PLA2G5: variants seen among roughly 807,000 people sequenced by gnomAD.
PLA2G5 encodes Ca2+-dependent phospholipase A2.
Under a neutral mutation model 15.9 loss-of-function variants are expected in PLA2G5, and 12 were observed. That is an observed-to-expected ratio of 0.76 (90% CI 0.48 to 1.23). The LOEUF (loss-of-function observed/expected upper bound fraction) is 1.23, where lower values mean the gene tolerates loss of function less well. Ranked by LOEUF, PLA2G5 falls within the 50% of genes most tolerant of loss-of-function variation. PLA2G5 has a pLI of 0.00. For missense variants in PLA2G5, 169 were observed against 177.1 expected, an observed-to-expected ratio of 0.95 and a Z score of 0.26; for synonymous variants, 71 against 71.4, an observed-to-expected ratio of 0.99 and a Z score of 0.03.
rs561474982 is a variant in PLA2G5 at position 20,060,984 on chromosome 1, C to T, written n.337+1292C>T. On this transcript the variant is annotated intron_variant and non_coding_transcript_variant, in intron 2 of 6. Transcript: ENST00000460175. ...CACCTGCCTTGGCCTCCCAAAGTGC[C>T]GGGATTACAGGCATGAGCCATCGCA... 1.1e-4 allele frequency among the ~76,000 whole-genome samples: 16 copies of T among 152,118 alleles called. No individual in the cohort carries two copies. In the East Asian group the frequency reaches 1.9e-3, roughly 18 times the overall value.
At chr1:20,066,847 GA>G (rs957763845), upstream of PLA2G5, among the ~76,000 whole-genome samples, 40 of 151,240 alleles carry the variant, frequency 2.6e-4, no homozygotes, top group Admixed American at 2.2e-3. Flanking sequence ...TCTCTAAAAA[GA>G]AAAAAAAATT....
At chr1:20,081,246 G>A (rs1348545740) in intron 1 of PLA2G5, among the ~76,000 whole-genome samples, 1 of 151,694 alleles carries the variant, frequency 6.6e-6, no homozygotes, top group Admixed American at 6.6e-5. Context: ...TCCTCCTGGC[G>A]CCCGCTTTGG....
At chr1:20,033,066 T>A (rs1261247078) in intron 1 of PLA2G5, among the ~76,000 whole-genome samples, 2 of 152,216 alleles carry the variant, frequency 1.3e-5, no homozygotes, top group Admixed American at 1.3e-4. Context: ...ATATTTGGAA[T>A]TGGTGTAAAT....
intron 1 of PLA2G5, among the ~76,000 whole-genome samples, chr1:20,044,208 A>C (rs1037227393): frequency 4.6e-5 from 7 of 152,146 alleles, no homozygotes; most frequent in African/African-American, 1.7e-4. Flanking sequence ...CAGCTTAGGC[A>C]TGTGTGGCTT....
intron 1 of PLA2G5, among the ~76,000 whole-genome samples, chr1:20,054,576 A>C (rs770890233): frequency 6.6e-6 from 1 of 151,382 alleles, no homozygotes; most frequent in Non-Finnish European, 1.5e-5. Context: ...AAATATGTTT[A>C]ATGTTTTCCT....
intron 1 of PLA2G5, among the ~76,000 whole-genome samples, chr1:20,078,725 C>T (rs983044359): frequency 6.6e-6 from 1 of 151,990 alleles, no homozygotes; most frequent in Non-Finnish European, 1.5e-5. Flanking sequence ...TTCATGGGGG[C>T]CTTAAGGAGG....
At chr1:20,033,385 A>G (rs1280251782) in intron 1 of PLA2G5, among the ~76,000 whole-genome samples, 1 of 152,182 alleles carries the variant, frequency 6.6e-6, no homozygotes, top group East Asian at 1.9e-4. Context: ...TGGCCAGGTT[A>G]AGAGCTTTAA....
intron 2 of PLA2G5, among the ~76,000 whole-genome samples, chr1:20,061,436 A>G (rs1557736531): frequency 1.3e-5 from 2 of 151,982 alleles, no homozygotes; most frequent in Non-Finnish European, 2.9e-5. Context: ...AAAATTAAAA[A>G]TAAGCTGGAT....
rs2016539174 is a variant in PLA2G5 at position 20,090,948 on chromosome 1, C to G, written c.*256C>G. On this transcript the variant is annotated 3_prime_UTR_variant, in exon 5 of 5. Transcript: ENST00000375108. ...GGCAGCCCCTCTGGTGCCAAGAGCT[C>G]TCCTCCAACTCAGGGTTGGCTGTGT... is the stretch of plus-strand genomic sequence containing the variant. 1 of 398,374 alleles carries G rather than the reference C, an allele frequency of 2.5e-6. No individual in the cohort carries two copies. The highest frequency in any genetic ancestry group is 5.0e-5 in the South Asian group (1 of 19,948). The allele number at this position is 398,374 out of a possible 1,614,324, so 24.7% of individuals were successfully genotyped here.
At chr1:20,086,297 A>G in intron 3 of PLA2G5, 70 bp downstream of exon 3, 6 of 1,505,584 alleles carry the variant, frequency 4.0e-6, no homozygotes, top group South Asian at 3.5e-5. Flanking sequence ...TCAATTCCAT[A>G]TCAGTTCTGG....
chr1:20,086,132 G>A lies in PLA2G5; in HGVS notation c.90G>A (p.Glu30=). ...TGCTGGACCTAAAATCAATGATCGA[G>A]AAGGTGACAGGGAAGAACGCCCTGA... ...GGLLDLKSMI[E]KVTGKNALTN... The change falls in exon 3 of 5, where the codon GAG becomes GAA. Residue 30 remains glutamate (E), a synonymous_variant. Transcript: ENST00000375108. The A allele has an allele frequency of 6.2e-7, 1 of 1,614,150 alleles. No individual in the cohort carries two copies. Among genetic ancestry groups the A allele is most frequent in the Non-Finnish European group, 8.5e-7 (1 of 1,180,020 alleles).
intron 1 of PLA2G5, among the ~76,000 whole-genome samples, chr1:20,032,794 G>A (rs575966132): frequency 9.7e-4 from 147 of 152,326 alleles, no homozygotes; most frequent in Non-Finnish European, 1.7e-3. Context: ...TATACAGGAT[G>A]TATGTTGGGA....
intron 3 of PLA2G5, 119 bp downstream of exon 3, chr1:20,086,346 C>A: frequency 8.5e-7 from 1 of 1,176,596 alleles, no homozygotes; most frequent in African/African-American, 1.5e-5. Flanking sequence ...AATAAGAAAA[C>A]TAAGCCTCAA....
At chr1:20,073,849 G>A (rs529970072) in intron 1 of PLA2G5, among the ~76,000 whole-genome samples, 3 of 151,902 alleles carry the variant, frequency 2.0e-5, no homozygotes, top group African/African-American at 4.8e-5. Flanking sequence ...CAGCCTGGGC[G>A]ACAGAGGGAG....
intron 1 of PLA2G5, among the ~76,000 whole-genome samples, chr1:20,031,909 T>A (rs1162237269): frequency 2.0e-5 from 3 of 151,988 alleles, no homozygotes; most frequent in Admixed American, 6.6e-5. Flanking sequence ...GGCAAGTAAG[T>A]GTTTGTGTAC....
intron 3 of PLA2G5, among the ~76,000 whole-genome samples, chr1:20,088,273 C>T (rs1362235810): frequency 6.6e-6 from 1 of 151,012 alleles, no homozygotes; most frequent in Admixed American, 6.6e-5. Flanking sequence ...AGGAGAATCA[C>T]TTGAACCTGG....
intron 2 of PLA2G5, among the ~76,000 whole-genome samples, chr1:20,065,088 T>C (rs1032981952): frequency 1.3e-5 from 2 of 152,232 alleles, no homozygotes; most frequent in Non-Finnish European, 2.9e-5. Context: ...TCAGGACATT[T>C]ATGACAATAG....
At chr1:20,069,972 G>C (rs1251813036), upstream of PLA2G5, among the ~76,000 whole-genome samples, 1 of 152,074 alleles carries the variant, frequency 6.6e-6, no homozygotes, top group Admixed American at 6.6e-5. Flanking sequence ...TTCTAAGCAG[G>C]CTGTCAGAGC....
chr1:20,032,983 T>C (rs1174714469), intron 1 of PLA2G5, among the ~76,000 whole-genome samples: 1 of 152,244 alleles, frequency 6.6e-6, no homozygotes, highest in Non-Finnish European at 1.5e-5. Flanking sequence ...CCATTTCCTA[T>C]GGGGATTCCT....
Sources: gnomAD v4.1 joint callset for allele counts (sites outside exome capture counted in the v4.1 genomes callset) on GRCh38, gnomAD v4.1.1 for gene constraint, MANE v1.5 for transcripts, NCBI Gene and HGNC (gene_info 2026-07-23, HGNC 2026-07-21) for gene names.